PTPRG: variants seen among roughly 807,000 people sequenced by gnomAD.
PTPRG encodes the protein receptor-type tyrosine-protein phosphatase gamma.
PTPRG carries 102 observed loss-of-function variants against 165.3 expected under a neutral mutation model. The ratio of observed to expected loss-of-function variants is 0.62; its 90% CI spans 0.53 to 0.73. The LOEUF is 0.73. Among genes scored for constraint, PTPRG ranks in the 30% least tolerant of loss-of-function variants. PTPRG has a pLI of 0.00. For synonymous variants in PTPRG, 675 were observed against 669.5 expected (o/e 1.01, Z -0.13); for missense variants, 1,866 against 1,861.4 (o/e 1.00, Z -0.05).
intron 1 of PTPRG, among the ~76,000 whole-genome samples, chr3:61,745,762 T>TGGTTGGTTGGTTTTAAAGTA (rs1341246811): frequency 9.2e-5 from 14 of 152,176 alleles, no homozygotes; most frequent in African/African-American, 3.4e-4. Flanking sequence ...GGCATAGGGT[T>TGGTTGGTTGGTTTTAAAGTA]GGTTGGTTGG....
Position 61,897,404 on chromosome 3 carries a change from T to G in PTPRG, c.191-92221T>G, listed in dbSNP as rs148246230. On this transcript the variant is annotated intron_variant, in intron 2 of 29. Coordinates refer to ENST00000474889, the MANE Select transcript of PTPRG (RefSeq NM_002841.4). ...TCAAAAATGAGTTGAGCATATTTGT[T>G]TGAGTCTATTTCTGGGTTCTCTCTT... 3.3e-3 allele frequency among the ~76,000 whole-genome samples: 498 copies of G among 152,274 alleles called. 2 individuals are homozygous for G. The highest frequency in any genetic ancestry group is 9.7e-3 in the African/African-American group (403 of 41,560).
intron 5 of PTPRG, among the ~76,000 whole-genome samples, chr3:62,100,046 C>T (rs1248222606): frequency 4.6e-5 from 7 of 151,892 alleles, no homozygotes; most frequent in Non-Finnish European, 7.4e-5. Flanking sequence ...ATCTTCCCAC[C>T]TTGGCCTCCC....
chr3:61,673,220 G>A (rs927264277), intron 1 of PTPRG, among the ~76,000 whole-genome samples: 5 of 152,178 alleles, frequency 3.3e-5, no homozygotes, highest in Non-Finnish European at 2.9e-5. Context: ...AGTTGTCCCT[G>A]CATGTAAAAC....
chr3:62,172,196 G>T (rs922894971), intron 8 of PTPRG, among the ~76,000 whole-genome samples: 1 of 152,128 alleles, frequency 6.6e-6, no homozygotes, highest in Non-Finnish European at 1.5e-5. Context: ...TATGAATAAT[G>T]CTTTTGTGAG....
At chr3:61,964,317 A>G (rs2040219936) in intron 2 of PTPRG, among the ~76,000 whole-genome samples, 1 of 152,214 alleles carries the variant, frequency 6.6e-6, no homozygotes, top group African/African-American at 2.4e-5. Context: ...AGTAATCTTC[A>G]CTGAAGTATA....
At chr3:62,164,808 T>A (rs139898907) in intron 7 of PTPRG, among the ~76,000 whole-genome samples, 1 of 152,354 alleles carries the variant, frequency 6.6e-6, no homozygotes, top group East Asian at 1.9e-4. Flanking sequence ...TTTAGGAGAA[T>A]TTAATGCTGG....
intron 5 of PTPRG, among the ~76,000 whole-genome samples, chr3:62,131,312 C>G (rs968895016): frequency 2.0e-5 from 3 of 152,182 alleles, no homozygotes; most frequent in African/African-American, 7.2e-5. Flanking sequence ...AATATCTCCC[C>G]CATTTGAGAA....
intron 1 of PTPRG, among the ~76,000 whole-genome samples, chr3:61,603,425 T>C (rs1003601069): frequency 3.3e-5 from 5 of 152,204 alleles, no homozygotes; most frequent in Admixed American, 1.3e-4. Context: ...CTGCCATGAT[T>C]GAAAGCTCCT....
chr3:61,639,213 G>T (rs188312617), intron 1 of PTPRG, among the ~76,000 whole-genome samples: 1 of 152,116 alleles, frequency 6.6e-6, no homozygotes, highest in African/African-American at 2.4e-5. Context: ...AGATCAGATG[G>T]CTATCAATGT....
intron 8 of PTPRG, among the ~76,000 whole-genome samples, chr3:62,186,577 T>TTTTTTTTTTTTTTTTTTTTTTC (rs1245632259): frequency 6.8e-6 from 1 of 146,022 alleles, no homozygotes; most frequent in Non-Finnish European, 1.5e-5. Context: ...CTTTTTTTTT[T>TTTTTTTTTTTTTTTTTTTTTTC]TTTTTTTGAG....
chr3:61,789,003 C>G (rs1281363290), intron 2 of PTPRG, among the ~76,000 whole-genome samples: 1 of 152,172 alleles, frequency 6.6e-6, no homozygotes, highest in Admixed American at 6.6e-5. Flanking sequence ...TGTTTAGGTG[C>G]TGTGTCTTAA....
intron 12 of PTPRG, among the ~76,000 whole-genome samples, chr3:62,204,881 AT>A (rs1286209744): frequency 5.9e-5 from 9 of 152,196 alleles, no homozygotes; most frequent in Non-Finnish European, 1.0e-4. Flanking sequence ...CAAGGGAGCC[AT>A]AAGCATGAGG....
intron 2 of PTPRG, among the ~76,000 whole-genome samples, chr3:61,848,479 T>C (rs981995175): frequency 6.6e-6 from 1 of 152,258 alleles, no homozygotes; most frequent in African/African-American, 2.4e-5. Context: ...TTGCATTTTT[T>C]ATCTTTTCCA....
intron 4 of PTPRG, 80 bp from the exon 5 acceptor site, chr3:62,078,083 T>C (rs1701450159): frequency 3.3e-6 from 3 of 908,956 alleles, no homozygotes; most frequent in Admixed American, 5.5e-5. Context: ...CTGGGGAATA[T>C]ACATTTATGG....
chr3:62,175,097 A>T (rs1559604389), intron 8 of PTPRG, among the ~76,000 whole-genome samples: 1 of 152,216 alleles, frequency 6.6e-6, no homozygotes, highest in African/African-American at 2.4e-5. Flanking sequence ...AAATGCTCAG[A>T]CATTTCATGA....
intron 2 of PTPRG, among the ~76,000 whole-genome samples, chr3:61,900,475 C>T (rs925467603): frequency 1.3e-5 from 2 of 152,158 alleles, no homozygotes; most frequent in African/African-American, 4.8e-5. Flanking sequence ...GCAGAGTTGG[C>T]AAAGACTCTG....
At chr3:61,577,561 T>C (rs887822008) in intron 1 of PTPRG, among the ~76,000 whole-genome samples, 2 of 152,378 alleles carry the variant, frequency 1.3e-5, no homozygotes, top group South Asian at 4.1e-4. Flanking sequence ...ATTAAAATGA[T>C]ATTTTAGATA....
chr3:61,942,821 A>G (rs2039666359), intron 2 of PTPRG, among the ~76,000 whole-genome samples: 1 of 152,362 alleles, frequency 6.6e-6, no homozygotes. Flanking sequence ...AATAGAAAAT[A>G]TAATTTTTAT....
intron 1 of PTPRG, among the ~76,000 whole-genome samples, chr3:61,580,220 T>C (rs1200072274): frequency 6.6e-6 from 1 of 152,018 alleles, no homozygotes; most frequent in East Asian, 1.9e-4. Flanking sequence ...GGCAGGAGGA[T>C]TGTCGGAGCC....
Sources: allele counts gnomAD v4.1 joint callset (sites outside exome capture counted in the v4.1 genomes callset), GRCh38; gene constraint gnomAD v4.1.1; transcripts MANE v1.5; gene names NCBI Gene and HGNC (gene_info 2026-07-23, HGNC 2026-07-21).